Variants in PMS2 observed in about 807,000 individuals in gnomAD.
PMS2 encodes mismatch repair endonuclease PMS2.
Under a neutral mutation model 90.0 loss-of-function variants are expected in PMS2, and 69 were observed. The ratio of observed to expected loss-of-function variants is 0.77; its 90% CI spans 0.63 to 0.94. PMS2 has a LOEUF of 0.94. Ranked by LOEUF, PMS2 falls within the 40% of genes least tolerant of loss-of-function variation. The pLI is 0.00. For missense variants in PMS2, 966 were observed against 1,040.2 expected (o/e 0.93, Z 0.98); for synonymous variants, 332 against 375.1 (o/e 0.89, Z 1.33).
chr7:5,993,449 C>T (rs1050365280), intron 8 of PMS2, among the ~76,000 whole-genome samples: 2 of 139,202 alleles, frequency 1.4e-5, no homozygotes, highest in African/African-American at 2.7e-5. Flanking sequence ...AAGATACAAA[C>T]TCAAAAAACC....
intron 1 of PMS2, among the ~76,000 whole-genome samples, chr7:6,007,404 C>G (rs960101408): frequency 1.3e-5 from 2 of 152,172 alleles, no homozygotes; most frequent in African/African-American, 4.8e-5. Context: ...GGGACCGCAA[C>G]CAGCCATCCC....
rs539440095 is a variant in PMS2 at position 5,998,978 on chromosome 7, A to G, written c.705+130T>C. 5 of 876,244 alleles carry G rather than the reference A, an allele frequency of 5.7e-6. No homozygotes were observed. In the East Asian group the frequency reaches 1.3e-4, roughly 23 times the overall value. The allele number at this position is 876,244 out of a possible 1,614,324, so 54.3% of individuals were successfully genotyped here. On this transcript the variant is annotated intron_variant, in intron 6 of 14. Transcript: ENST00000265849. ...GCACTCCAGCCTGGGCAGCAGTGCG[A>G]GACTCCCTCTCAAAAAAAAAAAAAA...
chr7:5,993,581 G>C (rs545780727), intron 8 of PMS2, among the ~76,000 whole-genome samples: 6 of 151,300 alleles, frequency 4.0e-5, no homozygotes, highest in Admixed American at 6.6e-5. Context: ...AGAAACCATG[G>C]GCCGGGCGCG....
chr7:5,987,333 T>G lies in PMS2; in HGVS notation c.1432A>C (p.Ser478Arg). 2 of 1,614,156 alleles carry G rather than the reference T, an allele frequency of 1.2e-6. No individual in the cohort carries two copies. Among genetic ancestry groups the G allele is most frequent in the Non-Finnish European group, 1.7e-6 (2 of 1,179,998 alleles). The change falls in exon 11 of 15, where the codon AGT becomes CGT. Residue 478 changes from serine to arginine, a missense_variant. Transcript: ENST00000265849. ...LRPQKEAVSS[S>R]HGPSDPTDRA... Reference sequence around the variant, plus strand: ...TCCGTAGGGTCACTGGGTCCGTGACTGGAACTCACTGCCTCTTTCTGAGGT... The same window carrying G: ...TCCGTAGGGTCACTGGGTCCGTGACGGGAACTCACTGCCTCTTTCTGAGGT...
Position 5,986,933 on chromosome 7 carries a change from A to AT in PMS2, c.1831dup (p.Ile611AsnfsTer2), listed in dbSNP as rs63750250. 33 of 1,613,932 alleles carry AT rather than the reference A, an allele frequency of 2.0e-5. No individual in the cohort carries two copies. Among genetic ancestry groups the AT allele is most frequent in the Non-Finnish European group, 2.8e-5 (33 of 1,180,016 alleles). On this transcript the variant is annotated frameshift_variant, in exon 11 of 15. Coordinates refer to ENST00000265849, the MANE Select transcript of PMS2 (RefSeq NM_000535.7). LOFTEE classifies it high-confidence loss of function. The stretch of plus-strand genomic sequence containing the variant: ...GTCCAGGGGCACAACTTTCTTATTA[A>AT]TTTTCACAGCTACATCAACCTGAGA...
At chr7:5,981,369 C>A (rs1003675428) in intron 12 of PMS2, among the ~76,000 whole-genome samples, 3 of 149,884 alleles carry the variant, frequency 2.0e-5, no homozygotes, top group African/African-American at 7.4e-5. Context: ...CTCAGCCTCC[C>A]GAATAGCTGG....
In PMS2 at chr7:5,987,049, T is replaced by C. The variant is rs2128724756; in HGVS notation, c.1716A>G (p.Ala572=). 1.2e-6 allele frequency: 2 copies of C among 1,614,216 alleles called. No homozygotes were observed. Among genetic ancestry groups the C allele is most frequent in the South Asian group, 1.1e-5 (1 of 91,090 alleles). ...TTTTAAAACGCTTTGTGTTTGGGGT[T>C]GCGAGATTAGTTGGCTGAGGCAAAA... ...FRVLPQPTNL[A]TPNTKRFKKE... is the part of the protein sequence containing the mutation. The change falls in exon 11 of 15, where the codon GCA becomes GCG. Residue 572 remains alanine (A), a synonymous_variant. Coordinates refer to ENST00000265849, the MANE Select transcript of PMS2 (RefSeq NM_000535.7).
At chr7:6,005,688 C>T (rs1785656016) in intron 2 of PMS2, among the ~76,000 whole-genome samples, 1 of 152,184 alleles carries the variant, frequency 6.6e-6, no homozygotes. Context: ...ACCTGCCTGG[C>T]ACACCGTAAG....
chr7:6,001,976 A>T (rs1785133959), intron 5 of PMS2: 1 of 151,944 alleles, frequency 6.6e-6, no homozygotes, highest in African/African-American at 2.4e-5. Flanking sequence ...CAGGGCGCCA[A>T]AGAGAAACTC....
At chr7:5,978,467 C>T (rs1390727073) in intron 13 of PMS2, 129 bp downstream of exon 13, 3 of 1,077,812 alleles carry the variant, frequency 2.8e-6, no homozygotes, top group African/African-American at 1.6e-5. Context: ...GATGGGGTTT[C>T]ACCATGTTAG....
At chr7:5,988,296 T>C (rs114333909) in intron 10 of PMS2, among the ~76,000 whole-genome samples, 74 of 152,218 alleles carry the variant, frequency 4.9e-4, no homozygotes, top group African/African-American at 1.6e-3. Flanking sequence ...GAAGTGCCTA[T>C]TGGCCGGCAC....
chr7:5,979,758 C>T (rs1437633067), intron 12 of PMS2, among the ~76,000 whole-genome samples: 4 of 131,370 alleles, frequency 3.0e-5, no homozygotes, highest in Admixed American at 8.0e-5. Flanking sequence ...TGGGCTCAAG[C>T]GATCCTTCCA....
Position 5,983,000 on chromosome 7 carries a change from A to G in PMS2, c.2007-9T>C, listed in dbSNP as rs1194759833. 2.1e-6 allele frequency: 3 copies of G among 1,402,356 alleles called. No individual in the cohort carries two copies. The highest frequency in any genetic ancestry group is 3.0e-6 in the Non-Finnish European group (3 of 1,013,842). 86.9% of individuals were successfully genotyped at this position (1,402,356 alleles called of 1,614,324 possible). ...CTGCAAACATCGTTTTACTGCAGGT[A>G]GAAAATGTTAATTATCAGACATTTT... On this transcript the variant is annotated splice_polypyrimidine_tract_variant and intron_variant, in intron 11 of 14. Coordinates refer to ENST00000265849, the MANE Select transcript of PMS2 (RefSeq NM_000535.7).
chr7:6,004,986 C>T (rs1004548254), intron 2 of PMS2, among the ~76,000 whole-genome samples: 4 of 151,884 alleles, frequency 2.6e-5, no homozygotes, highest in African/African-American at 9.7e-5. Context: ...CTCACTGCAG[C>T]CTCCACCTCC....
rs1583403657 is a variant in PMS2 at position 6,002,567 on chromosome 7, C to G, written c.423G>C (p.Gly141=). 6.2e-7 allele frequency: 1 copy of G among 1,611,784 alleles called. No homozygotes were observed. Among genetic ancestry groups the G allele is most frequent in the Non-Finnish European group, 8.5e-7 (1 of 1,179,706 alleles). Residue 141 remains glycine (G), a synonymous_variant, in exon 5 of 15, where the codon GGG becomes GGC. Transcript: ENST00000265849. ...VGTRLMFDHN[G]KIIQKTPYPR... The stretch of plus-strand genomic sequence containing the variant: ...GGTAGGGGGTTTTCTGGATAATTTT[C>G]CCATTGTGATCAAACATCAGTCGAG...
In PMS2 at chr7:5,999,163, G is replaced by C. The variant is rs774519794; in HGVS notation, c.650C>G (p.Thr217Arg). The C allele has an allele frequency of 1.2e-6, 2 of 1,614,084 alleles. No homozygotes were observed. Among genetic ancestry groups the C allele is most frequent in the Non-Finnish European group, 1.7e-6 (2 of 1,180,020 alleles). ...TTCCTTTATGCTGGGGCTTCCACCT[G>C]TGCATACCACAGGCTGTCGTTTTCC... ...GQGKRQPVVCTGGSPSIKENI... is the reference protein window; with the variant it reads ...GQGKRQPVVCRGGSPSIKENI... Residue 217 changes from threonine to arginine, a missense_variant, in exon 6 of 15, where the codon ACA (threonine) becomes AGA (arginine). Thr to Arg is a moderately conservative substitution (Grantham distance 71). Transcript: ENST00000265849.
intron 5 of PMS2, among the ~76,000 whole-genome samples, chr7:5,999,697 G>A (rs561620695): frequency 3.8e-4 from 58 of 152,258 alleles, no homozygotes; most frequent in African/African-American, 1.3e-3. Context: ...TGAGGAGGCT[G>A]AGGTGGGAGG....
In PMS2 at chr7:5,987,102, G is replaced by T. The variant is rs1554297399; in HGVS notation, c.1663C>A (p.Gln555Lys). The T allele has an allele frequency of 6.2e-7, 1 of 1,614,070 alleles. No homozygotes were observed. Among genetic ancestry groups the T allele is most frequent in the Non-Finnish European group, 8.5e-7 (1 of 1,179,970 alleles). ...SFSDVDCHSN[Q>K]EDTGCKFRVL... is the part of the protein sequence containing the mutation. ...CGAAATTTACATCCGGTATCTTCCT[G>T]GTTTGAATGGCAGTCCACATCTGAA... is the stretch of plus-strand genomic sequence containing the variant. The change falls in exon 11 of 15, where the codon CAG becomes AAG. Residue 555 changes from glutamine to lysine, a missense_variant. Transcript: ENST00000265849.
chr7:5,984,827 A>C (rs891451946), intron 11 of PMS2, among the ~76,000 whole-genome samples: 3 of 151,602 alleles, frequency 2.0e-5, no homozygotes, highest in Admixed American at 2.0e-4. Flanking sequence ...TTCTTTCTAT[A>C]AGTGCTCCAG....
Sources: allele counts gnomAD v4.1 joint callset (sites outside exome capture counted in the v4.1 genomes callset), GRCh38; gene constraint gnomAD v4.1.1; transcripts MANE v1.5; gene names NCBI Gene and HGNC (gene_info 2026-07-23, HGNC 2026-07-21).